POLA1: variants seen among roughly 807,000 people sequenced by gnomAD.
POLA1 encodes the protein DNA polymerase alpha catalytic subunit.
A neutral mutation model predicts 124.0 loss-of-function variants in POLA1; 15 were observed. That is an observed-to-expected ratio of 0.12 (90% confidence interval 0.08 to 0.19). POLA1 has a LOEUF of 0.19. Ranked by LOEUF, POLA1 falls within the 10% of genes least tolerant of loss-of-function variation. POLA1 has a pLI of 1.00. For missense variants in POLA1, 886 were observed against 1,103.4 expected (o/e 0.80, Z 2.79); for synonymous variants, 408 against 389.4 (o/e 1.05, Z -0.56).
chrX:24,925,476 A>G (rs868261021), intron 35 of POLA1, among the ~76,000 whole-genome samples: 2 of 112,212 alleles, frequency 1.8e-5, no homozygotes, highest in South Asian at 7.5e-4. Flanking sequence ...CTGTCCCTAC[A>G]AATGAGAGAG....
chrX:24,896,674 A>G (rs1474558002), intron 35 of POLA1, among the ~76,000 whole-genome samples: 1 of 111,823 alleles, frequency 8.9e-6, no homozygotes, highest in Non-Finnish European at 1.9e-5. Flanking sequence ...CAGATTTTAA[A>G]AAGGACACCT....
intron 36 of POLA1, among the ~76,000 whole-genome samples, chrX:24,981,808 G>A (rs1186916021): frequency 1.8e-5 from 2 of 111,843 alleles, no homozygotes; most frequent in African/African-American, 3.3e-5. Flanking sequence ...AATGATTGAC[G>A]GAACTCACTA....
chrX:24,984,191 T>C (rs1331406601), intron 36 of POLA1, among the ~76,000 whole-genome samples: 1 of 112,491 alleles, frequency 8.9e-6, no homozygotes, highest in African/African-American at 3.2e-5. Flanking sequence ...GGACTAAGCA[T>C]TAAAAAGTAT....
intron 36 of POLA1, among the ~76,000 whole-genome samples, chrX:24,992,100 T>G (rs1309649502): frequency 8.9e-6 from 1 of 112,304 alleles, no homozygotes; most frequent in Admixed American, 9.4e-5. Flanking sequence ...ACTTGAAATC[T>G]TTCAGGTACT....
intron 26 of POLA1, among the ~76,000 whole-genome samples, chrX:24,793,325 G>T (rs1183398524): frequency 9.5e-6 from 1 of 104,894 alleles, no homozygotes; most frequent in Non-Finnish European, 1.9e-5. Context: ...TTTTCAAAAG[G>T]TGTTGCTTTG....
At chrX:24,742,263 A>C in intron 22 of POLA1, 142 bp downstream of exon 22, 5 of 523,646 alleles carry the variant, frequency 9.5e-6, no homozygotes, top group Non-Finnish European at 1.5e-5. Flanking sequence ...TGTCAAGTTT[A>C]TTCCCTTGTT....
chrX:24,724,552 T>C, intron 12 of POLA1, 101 bp downstream of exon 12: 2 of 458,766 alleles, frequency 4.4e-6, no homozygotes, highest in Non-Finnish European at 7.6e-6. Context: ...ATGCCTTCTG[T>C]GCAGCTATAA....
chrX:24,958,497 A>T (rs900305064), intron 36 of POLA1, among the ~76,000 whole-genome samples: 3 of 112,576 alleles, frequency 2.7e-5, no homozygotes, highest in Non-Finnish European at 5.6e-5. Context: ...ATCACAATGT[A>T]TGTTGAGATG....
At chrX:24,813,703 A>G (rs886887160) in intron 29 of POLA1, among the ~76,000 whole-genome samples, 2 of 109,632 alleles carry the variant, frequency 1.8e-5, no homozygotes, top group Non-Finnish European at 3.8e-5. Context: ...AATCCCAGCT[A>G]CTGGGGAGGC....
At chrX:24,792,035 A>C (rs1159553229) in intron 26 of POLA1, among the ~76,000 whole-genome samples, 1 of 112,432 alleles carries the variant, frequency 8.9e-6, no homozygotes, top group Non-Finnish European at 1.9e-5. Flanking sequence ...ATAGATTCAA[A>C]TATTGAAATA....
intron 26 of POLA1, among the ~76,000 whole-genome samples, chrX:24,770,528 GCTTTT>G (rs1265824459): frequency 9.0e-6 from 1 of 111,697 alleles, no homozygotes; most frequent in East Asian, 2.8e-4. Context: ...AAACTTGGGG[GCTTTT>G]CTTTTCTAGC....
Position 24,700,029 on chromosome X carries a change from T to C in POLA1, c.168+480T>C, listed in dbSNP as rs967400411. ...TTGTAAGATTGAATGTGATGCTCTT[T>C]TGGTTTTCCTCTACCCACTGTTTAT... On this transcript the variant is annotated intron_variant, in intron 2 of 36. Coordinates refer to ENST00000379068, the MANE Select transcript of POLA1 (RefSeq NM_001330360.2). Among the ~76,000 whole-genome samples, 4 of 101,278 alleles carry C rather than the reference T, an allele frequency of 3.9e-5. No homozygotes were observed. The Admixed American group carries it at 4.4e-4, about 11-fold the overall frequency. 87.9% of individuals were successfully genotyped at this position (101,278 alleles called of 115,157 possible). A position where few individuals can be genotyped will look rare whatever the true frequency, so the allele number is the denominator to read the frequency against.
chrX:24,969,846 A>G (rs1379889148), intron 36 of POLA1, among the ~76,000 whole-genome samples: 1 of 109,381 alleles, frequency 9.1e-6, no homozygotes, highest in African/African-American at 3.3e-5. Context: ...TCCCCCCACA[A>G]TGTGTGTTGT....
chrX:24,739,513 G>A lies in POLA1; in HGVS notation c.2179G>A (p.Val727Ile), dbSNP rs1440141310. 1.7e-6 allele frequency: 2 copies of A among 1,184,021 alleles called. No individual in the cohort carries two copies. The highest frequency in any genetic ancestry group is 1.8e-5 in the African/African-American group (1 of 56,538). Residue 727 changes from valine to isoleucine, a missense_variant, in exon 20 of 37, where the codon GTT (valine) becomes ATT (isoleucine). Val to Ile is a conservative substitution (Grantham distance 29, BLOSUM62 3). Transcript: ENST00000379068. ...TCAGCAGATTCTAAAAACTGAAAGGGTTGTAATCCCAATGGAAAATATACA... is the reference window on the plus strand; with the variant it reads ...TCAGCAGATTCTAAAAACTGAAAGGATTGTAATCCCAATGGAAAATATACA... The part of the protein sequence containing the change: ...LVQQILKTER[V>I]VIPMENIQNM...
chrX:24,786,123 C>T (rs1453686178), intron 26 of POLA1, among the ~76,000 whole-genome samples: 1 of 112,441 alleles, frequency 8.9e-6, no homozygotes, highest in African/African-American at 3.2e-5. Context: ...TCAGCGGACA[C>T]TTAGGTTGTT....
chrX:24,713,471 C>T (rs1929610564), intron 4 of POLA1, among the ~76,000 whole-genome samples: 1 of 111,244 alleles, frequency 9.0e-6, no homozygotes, highest in Non-Finnish European at 1.9e-5. Context: ...GGCTGGAGTG[C>T]AGTGGCGCGA....
At chrX:24,771,789 A>G (rs1182549394) in intron 26 of POLA1, among the ~76,000 whole-genome samples, 1 of 111,941 alleles carries the variant, frequency 8.9e-6, no homozygotes, top group Non-Finnish European at 1.9e-5. Flanking sequence ...GCTAGTTTTA[A>G]AAGTTAAAAG....
At chrX:24,727,631 T>C (rs1336114333) in intron 14 of POLA1, 151 bp from the exon 15 acceptor site, 5 of 440,503 alleles carry the variant, frequency 1.1e-5, no homozygotes, top group Non-Finnish European at 1.2e-5. Flanking sequence ...AACCCAATAA[T>C]GTGGCTTATT....
intron 26 of POLA1, among the ~76,000 whole-genome samples, chrX:24,791,356 A>G (rs763417492): frequency 6.0e-4 from 67 of 112,092 alleles, no homozygotes; most frequent in Non-Finnish European, 1.1e-3. Context: ...TTCTGTGAGT[A>G]CGCTAAACTG....
Sources: allele counts gnomAD v4.1 joint callset (sites outside exome capture counted in the v4.1 genomes callset), GRCh38; gene constraint gnomAD v4.1.1; transcripts MANE v1.5; gene names NCBI Gene and HGNC (gene_info 2026-07-23, HGNC 2026-07-21).